The following GPHN variants were observed in gnomAD, a reference collection of about 807,000 sequenced individuals.
GPHN encodes the protein gephyrin.
Under a neutral mutation model 95.5 loss-of-function variants are expected in GPHN, and 17 were observed. The ratio of observed to expected loss-of-function variants is 0.18; its 90% CI spans 0.12 to 0.27. The LOEUF (loss-of-function observed/expected upper bound fraction) is 0.27. GPHN is among the 10% of genes least tolerant of loss of function. The probability of loss-of-function intolerance (pLI) is 1.00; values close to 1 mark genes in which losing one functional copy is unlikely to be tolerated. For synonymous variants in GPHN, 320 were observed against 322.5 expected, an observed-to-expected ratio of 0.99 and a Z score of 0.08; for missense variants, 660 against 978.1, an observed-to-expected ratio of 0.67 and a Z score of 4.34.
the GPHN span, among the ~76,000 whole-genome samples, chr14:67,682,563 C>T: frequency 0.035 from 5,355 of 152,262 alleles, 278 homozygotes; most frequent in African/African-American, 0.12. Flanking sequence ...TTCCTTCATA[C>T]TCACTAGGAT....
At chr14:67,649,373 C>T in the GPHN span, 1 of 152,022 alleles carries the variant, frequency 6.6e-6, no homozygotes, top group African/African-American at 2.4e-5. Flanking sequence ...AATAATTAGC[C>T]AGGTGTCCCA....
At chr14:66,724,865 C>T (rs1454654857) in intron 2 of GPHN, among the ~76,000 whole-genome samples, 2 of 152,048 alleles carry the variant, frequency 1.3e-5, no homozygotes, top group African/African-American at 2.4e-5. Context: ...ATACCCTGAA[C>T]GTAGAGAAAA....
At chr14:67,279,630 G>C in the GPHN span, 11 of 1,245,892 alleles carry the variant, frequency 8.8e-6, no homozygotes, top group Admixed American at 2.0e-4. Context: ...TTAAGAGAAT[G>C]TAAGTAATGA....
At chr14:66,971,248 A>C (rs1048122492) in intron 9 of GPHN, among the ~76,000 whole-genome samples, 1 of 152,220 alleles carries the variant, frequency 6.6e-6, no homozygotes, top group Non-Finnish European at 1.5e-5. Flanking sequence ...GATTCGCTTG[A>C]ACACGGGAGG....
chr14:67,295,536 G>A, the GPHN span, among the ~76,000 whole-genome samples: 11 of 150,468 alleles, frequency 7.3e-5, no homozygotes, highest in Middle Eastern at 3.4e-3. Context: ...AAGACTACTC[G>A]GTTAAAAAAA....
At chr14:66,591,908 C>T (rs1196203126) in intron 1 of GPHN, among the ~76,000 whole-genome samples, 2 of 152,178 alleles carry the variant, frequency 1.3e-5, no homozygotes, top group East Asian at 3.8e-4. Context: ...TCAAACTGTA[C>T]TACAAAGGCT....
intron 4 of GPHN, among the ~76,000 whole-genome samples, chr14:66,828,095 C>G (rs1435924388): frequency 1.3e-5 from 2 of 151,638 alleles, no homozygotes; most frequent in Non-Finnish European, 2.9e-5. Context: ...AGCAATTTAC[C>G]TGATTGTGAA....
chr14:67,419,194 C>A, the GPHN span, among the ~76,000 whole-genome samples: 1 of 152,106 alleles, frequency 6.6e-6, no homozygotes, highest in Admixed American at 6.5e-5. Context: ...GGAGGCTAGG[C>A]TTTTGGTTTT....
intron 9 of GPHN, among the ~76,000 whole-genome samples, chr14:66,989,733 A>G (rs2071278075): frequency 1.3e-5 from 2 of 151,796 alleles, no homozygotes; most frequent in East Asian, 3.9e-4. Context: ...CATGCAAATC[A>G]ATTGCTTAGC....
chr14:66,685,298 T>C (rs1350686538), intron 2 of GPHN, among the ~76,000 whole-genome samples: 1 of 152,238 alleles, frequency 6.6e-6, no homozygotes, highest in Non-Finnish European at 1.5e-5. Flanking sequence ...ATGGTATTTC[T>C]AGTTCTAGAT....
At chr14:67,192,416 G>A in the GPHN span, among the ~76,000 whole-genome samples, 3 of 151,716 alleles carry the variant, frequency 2.0e-5, no homozygotes, top group Admixed American at 2.0e-4. Flanking sequence ...CAATCAACAT[G>A]TATTTTTGAG....
At chr14:66,883,486 A>C (rs1367914598) in intron 5 of GPHN, among the ~76,000 whole-genome samples, 1 of 152,044 alleles carries the variant, frequency 6.6e-6, no homozygotes, top group Non-Finnish European at 1.5e-5. Context: ...GGACAATTTC[A>C]ATATCTGGCT....
intron 11 of GPHN, among the ~76,000 whole-genome samples, chr14:67,070,302 G>GTA (rs552912319): frequency 0.013 from 1,829 of 145,508 alleles, 21 homozygotes; most frequent in Middle Eastern, 0.022. Flanking sequence ...GTGTGTGTGT[G>GTA]TATATATATA....
At chr14:67,581,165 A>G in the GPHN span, 1 of 649,160 alleles carries the variant, frequency 1.5e-6, no homozygotes. Flanking sequence ...ACTGCCTGGC[A>G]GTCACTAGCT....
chr14:66,542,292 C>T (rs535830811), intron 1 of GPHN, among the ~76,000 whole-genome samples: 1 of 152,192 alleles, frequency 6.6e-6, no homozygotes, highest in Admixed American at 6.5e-5. Context: ...TTGTATTTTC[C>T]TAGATTGTTT....
intron 1 of GPHN, among the ~76,000 whole-genome samples, chr14:66,559,173 A>G (rs559334880): frequency 2.3e-4 from 35 of 152,198 alleles, no homozygotes; most frequent in Non-Finnish European, 8.8e-5. Flanking sequence ...AGTCTTTGCT[A>G]TTGTGAATAG....
the GPHN span, among the ~76,000 whole-genome samples, chr14:67,307,756 A>C: frequency 6.6e-6 from 1 of 152,202 alleles, no homozygotes; most frequent in Admixed American, 6.5e-5. Flanking sequence ...TTAAAGATAA[A>C]TCTGCGATAG....
chr14:67,198,542 A>T, the GPHN span, among the ~76,000 whole-genome samples: 1 of 152,248 alleles, frequency 6.6e-6, no homozygotes, highest in Non-Finnish European at 1.5e-5. Flanking sequence ...CTTCTGTCTT[A>T]ACTCTACCAT....
intron 1 of GPHN, among the ~76,000 whole-genome samples, chr14:66,605,778 C>T (rs940538563): frequency 3.5e-4 from 53 of 151,854 alleles, no homozygotes; most frequent in African/African-American, 1.1e-3. Context: ...TTGATCTGCC[C>T]GCCTCGGCCT....
Sources: gnomAD v4.1 joint callset for allele counts (sites outside exome capture counted in the v4.1 genomes callset) on GRCh38, gnomAD v4.1.1 for gene constraint, MANE v1.5 for transcripts, NCBI Gene and HGNC (gene_info 2026-07-23, HGNC 2026-07-21) for gene names.